TOX2: variants seen among roughly 807,000 people sequenced by gnomAD.
TOX2 encodes TOX high mobility group box family member 2, also known as granulosa cell HMG box 1.
A neutral mutation model predicts 47.4 loss-of-function variants in TOX2; 15 were observed. The observed-to-expected ratio is 0.32, with a 90% confidence interval of 0.21 to 0.49. The LOEUF (loss-of-function observed/expected upper bound fraction) is 0.49. Among genes scored for constraint, TOX2 ranks in the 20% least tolerant of loss-of-function variants. The pLI is 0.99. For synonymous variants in TOX2, 290 were observed against 296.6 expected (o/e 0.98, Z 0.23); for missense variants, 622 against 673.1 (o/e 0.92, Z 0.84).
chr20:44,025,165 T>G (rs2071040468), intron 3 of TOX2, among the ~76,000 whole-genome samples: 1 of 152,060 alleles, frequency 6.6e-6, no homozygotes. Flanking sequence ...AAAATTTTAT[T>G]ATTATTATAT....
At chr20:44,029,691 C>G (rs1405828276) in intron 3 of TOX2, among the ~76,000 whole-genome samples, 3 of 152,228 alleles carry the variant, frequency 2.0e-5, no homozygotes, top group Non-Finnish European at 2.9e-5. Context: ...CACAATCGCA[C>G]TTTCTGCTCA....
At chr20:43,941,271 G>T (rs743152) in intron 1 of TOX2, among the ~76,000 whole-genome samples, 38,620 of 151,468 alleles carry the variant, frequency 0.25, 7,678 homozygotes, top group African/African-American at 0.53. Flanking sequence ...AGAGTCCCAG[G>T]GTTAATATCA....
intron 1 of TOX2, among the ~76,000 whole-genome samples, chr20:43,971,503 G>A (rs767264124): frequency 1.3e-5 from 2 of 152,204 alleles, no homozygotes; most frequent in African/African-American, 4.8e-5. Flanking sequence ...ACATGGTTGT[G>A]GGCGTGTGGA....
At chr20:44,054,144 T>G (rs1319598006) in intron 4 of TOX2, among the ~76,000 whole-genome samples, 155 bp from the exon 5 acceptor site, 1 of 151,968 alleles carries the variant, frequency 6.6e-6, no homozygotes, top group African/African-American at 2.4e-5. Context: ...CCAGGGTGTG[T>G]GTGTCTGTCT....
intron 1 of TOX2, among the ~76,000 whole-genome samples, chr20:43,953,559 A>G (rs1396774254): frequency 6.6e-6 from 1 of 152,182 alleles, no homozygotes; most frequent in Non-Finnish European, 1.5e-5. Flanking sequence ...CCACGTCTGT[A>G]GGAATGCAGG....
chr20:44,030,934 A>G lies in TOX2; in HGVS notation c.412-20372A>G, dbSNP rs370424334. ...GTATATATCTGCACAATTAAAAAGCATTTGTTAAATTCTTCCTTAAAAACC... is the reference window on the plus strand; with the variant it reads ...GTATATATCTGCACAATTAAAAAGCGTTTGTTAAATTCTTCCTTAAAAACC... On this transcript the variant is annotated intron_variant, in intron 3 of 8. Coordinates refer to ENST00000341197, the MANE Select transcript of TOX2 (RefSeq NM_001098797.2). Among the ~76,000 whole-genome samples the G allele has an allele frequency of 2.3e-4, 35 of 152,332 alleles. No individual in the cohort carries two copies. The East Asian group carries it at 2.3e-3, about 10-fold the overall frequency.
intron 1 of TOX2, among the ~76,000 whole-genome samples, chr20:43,971,011 A>C (rs2069955404): frequency 6.6e-6 from 1 of 152,046 alleles, no homozygotes; most frequent in African/African-American, 2.4e-5. Flanking sequence ...CCTTTTTTTA[A>C]ATCATCCAGT....
chr20:43,929,241 T>C (rs141993298), intron 1 of TOX2, among the ~76,000 whole-genome samples: 65 of 152,346 alleles, frequency 4.3e-4, no homozygotes, highest in Non-Finnish European at 7.1e-4. Flanking sequence ...TGTAGCTTGA[T>C]GAACTCTTAC....
In TOX2 at chr20:43,935,096, G is replaced by T. The variant is rs114822716; in HGVS notation, c.99+20106G>T. Among the ~76,000 whole-genome samples, 431 of 152,196 alleles carry T rather than the reference G, an allele frequency of 2.8e-3. 2 individuals carry two copies. The highest frequency in any genetic ancestry group is 9.9e-3 in the African/African-American group (410 of 41,496). On this transcript the variant is annotated intron_variant, in intron 1 of 8. Coordinates refer to ENST00000341197, the MANE Select transcript of TOX2 (RefSeq NM_001098797.2). ...CCCCATTCTGTGCACTGGTGCCTTG[G>T]GGGTGAATGGAGGAAGGAGCACAAA... is the stretch of plus-strand genomic sequence containing the variant.
At chr20:43,946,132 G>A in intron 1 of TOX2, 2 of 1,534,380 alleles carry the variant, frequency 1.3e-6, no homozygotes, top group Non-Finnish European at 1.8e-6. Context: ...GGGCAGGCAG[G>A]GACCTGGACT....
intron 1 of TOX2, among the ~76,000 whole-genome samples, chr20:43,959,802 C>T (rs1358123883): frequency 3.3e-5 from 5 of 152,208 alleles, no homozygotes; most frequent in African/African-American, 4.8e-5. Context: ...AGATAATTGT[C>T]AAATACAAAT....
intron 2 of TOX2, among the ~76,000 whole-genome samples, chr20:43,977,867 A>G (rs887678296): frequency 1.3e-5 from 2 of 152,264 alleles, no homozygotes; most frequent in South Asian, 2.1e-4. Flanking sequence ...ATATTTCCTG[A>G]TGATGTGACC....
intron 1 of TOX2, among the ~76,000 whole-genome samples, chr20:43,922,736 G>C (rs1053468489): frequency 2.0e-5 from 3 of 152,168 alleles, no homozygotes; most frequent in African/African-American, 7.2e-5. Flanking sequence ...CCGTACAGTT[G>C]CTAATTCTGG....
chr20:43,914,956 G>A lies in TOX2; in HGVS notation c.65G>A (p.Gly22Asp), dbSNP rs1440262994. The change falls in exon 1 of 9, where the codon GGC (glycine) becomes GAC (aspartate). Residue 22 changes from glycine to aspartate, a missense_variant. Gly to Asp is a moderately conservative substitution (Grantham distance 94). Around this residue, in one of 3 missense-constraint regions of TOX2, gnomAD observed 307 missense variants for 327.3 expected, o/e 0.94. Transcript: ENST00000341197. This position sits in a 1 kb window ranked among gnomAD's most constrained non-coding sequence, Gnocchi z 4.5. The stretch of plus-strand genomic sequence containing the variant: ...GCGCGGCCCGGGGCCGAGCCGGCCG[G>A]CCTGGCGCACCTGGACTATTACCAC... The part of the protein sequence containing the change: ...VGARPGAEPA[G>D]LAHLDYYHGG... 2 of 1,256,110 alleles carry A rather than the reference G, an allele frequency of 1.6e-6. No individual in the cohort carries two copies. The highest frequency in any genetic ancestry group is 1.0e-6 in the Non-Finnish European group (1 of 999,424). 77.8% of individuals were successfully genotyped at this position (1,256,110 alleles called of 1,614,324 possible). A position where few individuals can be genotyped will look rare whatever the true frequency, so the allele number is the denominator to read the frequency against.
chr20:44,024,505 A>T (rs1294991584), intron 3 of TOX2, among the ~76,000 whole-genome samples: 1 of 152,128 alleles, frequency 6.6e-6, no homozygotes, highest in Non-Finnish European at 1.5e-5. Flanking sequence ...AATAATAAAA[A>T]GTTTATGGCT....
At chr20:44,004,971 C>A (rs1355705180) in intron 2 of TOX2, among the ~76,000 whole-genome samples, 1 of 152,162 alleles carries the variant, frequency 6.6e-6, no homozygotes, top group Admixed American at 6.5e-5. Context: ...ATGTTCCCAA[C>A]ACAAATGATA....
At chr20:43,984,061 C>A (rs776993367) in intron 2 of TOX2, among the ~76,000 whole-genome samples, 1 of 152,168 alleles carries the variant, frequency 6.6e-6, no homozygotes, top group East Asian at 1.9e-4. Flanking sequence ...GAAGAGCTCG[C>A]GATTCATATT....
chr20:43,938,975 C>T (rs1600663883), intron 1 of TOX2, among the ~76,000 whole-genome samples: 1 of 152,184 alleles, frequency 6.6e-6, no homozygotes, highest in South Asian at 2.1e-4. Context: ...CTTCTAGAAG[C>T]ATGGTCTTGC....
At chr20:43,925,011 C>T (rs933688920) in intron 1 of TOX2, among the ~76,000 whole-genome samples, 11 of 152,056 alleles carry the variant, frequency 7.2e-5, no homozygotes, top group Admixed American at 6.6e-5. Context: ...TTTATTTTCC[C>T]AGAATTCTGA....
Sources: gnomAD v4.1 joint callset for allele counts (sites outside exome capture counted in the v4.1 genomes callset) on GRCh38, gnomAD v4.1.1 for gene constraint, gnomAD v4.1.1 regional missense constraint, Gnocchi (gnomAD v3.1) non-coding constraint, MANE v1.5 for transcripts, NCBI Gene and HGNC (gene_info 2026-07-23, HGNC 2026-07-21) for gene names.